Variants in SNX25 observed in about 807,000 individuals in gnomAD.
The protein encoded by SNX25 is sorting nexin-25.
SNX25 carries 62 observed loss-of-function variants against 113.7 expected under a neutral mutation model. The observed-to-expected ratio is 0.55, with a 90% confidence interval of 0.44 to 0.67. The LOEUF is 0.67. SNX25 is among the 30% of genes least tolerant of loss of function. SNX25 has a pLI of 0.00. For missense variants in SNX25, 1,014 were observed against 1,161.0 expected (o/e 0.87, Z 1.84); for synonymous variants, 421 against 436.2 (o/e 0.97, Z 0.43).
At chr4:185,341,227 G>A (rs997073081) in intron 11 of SNX25, among the ~76,000 whole-genome samples, 6 of 142,188 alleles carry the variant, frequency 4.2e-5, no homozygotes, top group South Asian at 4.6e-4. Context: ...ACGTGTGCAC[G>A]CATGCACACA....
At chr4:185,367,196 A>G (rs2095390972), downstream of SNX25, 1 of 1,612,934 alleles carries the variant, frequency 6.2e-7, no homozygotes, top group Non-Finnish European at 8.5e-7. Context: ...TCTTTGACGA[A>G]TAAGTAAGGA....
At chr4:185,220,628 C>A (rs774987401) in intron 1 of SNX25, among the ~76,000 whole-genome samples, 1 of 151,874 alleles carries the variant, frequency 6.6e-6, no homozygotes, top group Non-Finnish European at 1.5e-5. Context: ...ATAAGGGTGC[C>A]CACCACCACG....
chr4:185,231,817 G>A (rs1372324566), intron 1 of SNX25, among the ~76,000 whole-genome samples: 2 of 152,092 alleles, frequency 1.3e-5, no homozygotes, highest in Non-Finnish European at 2.9e-5. Context: ...ATCTGGGCTG[G>A]AGTAAATAAC....
In SNX25 at chr4:185,210,392, G is replaced by A; in HGVS notation, c.429+137G>A. The A allele has an allele frequency of 2.4e-6, 2 of 849,896 alleles. No homozygotes were observed. The highest frequency in any genetic ancestry group is 2.8e-6 in the Non-Finnish European group (2 of 706,900). The allele number at this position is 849,896 out of a possible 1,614,324, so 52.6% of individuals were successfully genotyped here. On this transcript the variant is annotated intron_variant, in intron 1 of 18. Coordinates refer to ENST00000652585, the MANE Select transcript of SNX25 (RefSeq NM_001378034.2). This position sits in a 1 kb window ranked among gnomAD's most constrained non-coding sequence, Gnocchi z 4.4. ...GCCGGGAGCCAGGGGGCTGGGCTGC[G>A]GGCCCGGCCGTGGACGCGAGCGTTC...
At chr4:185,328,802 C>T (rs752355658) in intron 9 of SNX25, among the ~76,000 whole-genome samples, 3 of 151,960 alleles carry the variant, frequency 2.0e-5, no homozygotes, top group South Asian at 2.1e-4. Flanking sequence ...GGGAGAATGG[C>T]GGATTGACTG....
At chr4:185,242,665 G>A (rs1294949470) in intron 1 of SNX25, among the ~76,000 whole-genome samples, 4 of 152,144 alleles carry the variant, frequency 2.6e-5, no homozygotes, top group African/African-American at 9.7e-5. Context: ...GAAGCTCACT[G>A]AGCCCTGTCC....
rs1393054326 is a variant in SNX25, at chr4:185,363,695, A to G, written c.*230A>G. On this transcript the variant is annotated 3_prime_UTR_variant, in exon 19 of 19. Transcript: ENST00000652585. The surrounding 1 kb of genome is among the most constrained non-coding windows in gnomAD (Gnocchi z 4.2). Reference sequence around the variant, plus strand: ...TTTAATATGAATACTTTAAAGATCAACATACCGATTGAAATACAAATGTTA... The same window carrying G: ...TTTAATATGAATACTTTAAAGATCAGCATACCGATTGAAATACAAATGTTA... The G allele has an allele frequency of 5.2e-6, 2 of 384,374 alleles. No individual in the cohort carries two copies. The highest frequency in any genetic ancestry group is 4.0e-5 in the Admixed American group (1 of 25,168). 23.8% of individuals were successfully genotyped at this position (384,374 alleles called of 1,614,324 possible).
At chr4:185,204,273 C>G (rs945730876) in exon 1 of SNX25, 3 of 152,208 alleles carry the variant, frequency 2.0e-5, no homozygotes, top group East Asian at 1.9e-4. Context: ...GGGTAGGCCC[C>G]GTTGTTCTCG....
intron 1 of SNX25, among the ~76,000 whole-genome samples, chr4:185,224,522 T>G (rs796747930): frequency 3.9e-5 from 4 of 103,434 alleles, no homozygotes; most frequent in African/African-American, 7.4e-5. Flanking sequence ...TATATAAATA[T>G]ATATACATAT....
chr4:185,231,601 C>T (rs1741880353), intron 1 of SNX25, among the ~76,000 whole-genome samples: 1 of 151,568 alleles, frequency 6.6e-6, no homozygotes, highest in African/African-American at 2.4e-5. Context: ...GTCCCAGCTA[C>T]TCGGGAGGCT....
intron 1 of SNX25, among the ~76,000 whole-genome samples, chr4:185,211,171 T>C (rs1737726673): frequency 6.6e-6 from 1 of 152,206 alleles, no homozygotes; most frequent in African/African-American, 2.4e-5. Flanking sequence ...TTGTATTTGC[T>C]TATCACATGA....
intron 6 of SNX25, chr4:185,295,952 A>G (rs1379273052): frequency 6.6e-6 from 1 of 152,234 alleles, no homozygotes; most frequent in Non-Finnish European, 1.5e-5. Context: ...CTGGGTATTT[A>G]CTATAAAGAA....
intron 2 of SNX25, among the ~76,000 whole-genome samples, chr4:185,249,473 T>C (rs2126492326): frequency 6.6e-6 from 1 of 152,216 alleles, no homozygotes; most frequent in East Asian, 1.9e-4. Context: ...ACTTATAATT[T>C]ATTTATAGTT....
At chr4:185,220,708 C>T (rs1579332863) in intron 1 of SNX25, among the ~76,000 whole-genome samples, 1 of 152,080 alleles carries the variant, frequency 6.6e-6, no homozygotes, top group African/African-American at 2.4e-5. Context: ...TCTCGATCTC[C>T]TGACCTTGTG....
At chr4:185,247,107 C>T (rs1383850945) in intron 1 of SNX25, among the ~76,000 whole-genome samples, 187 bp from the exon 2 acceptor site, 1 of 152,014 alleles carries the variant, frequency 6.6e-6, no homozygotes, top group Non-Finnish European at 1.5e-5. Context: ...AGGGAAAATC[C>T]TTCCTTAATT....
chr4:185,211,481 C>T (rs1737789956), intron 1 of SNX25, among the ~76,000 whole-genome samples: 1 of 152,074 alleles, frequency 6.6e-6, no homozygotes, highest in South Asian at 2.1e-4. Context: ...TTTTTTCTAC[C>T]ATGGCAAGTA....
intron 1 of SNX25, among the ~76,000 whole-genome samples, chr4:185,228,413 C>T (rs944576389): frequency 2.6e-5 from 4 of 152,056 alleles, no homozygotes; most frequent in African/African-American, 7.2e-5. Context: ...GAGAGAACTT[C>T]GTGGAGGTTG....
At chr4:185,284,284 A>G (rs1292935957) in intron 5 of SNX25, among the ~76,000 whole-genome samples, 1 of 152,238 alleles carries the variant, frequency 6.6e-6, no homozygotes, top group Non-Finnish European at 1.5e-5. Context: ...ATGACTGGGC[A>G]CACCATTTTC....
At chr4:185,373,371 A>G (rs1465490089), downstream of SNX25, among the ~76,000 whole-genome samples, 2 of 152,166 alleles carry the variant, frequency 1.3e-5, no homozygotes, top group African/African-American at 4.8e-5. Flanking sequence ...CAGAGTAAGG[A>G]TCAGGAAGAT....
Sources: allele counts gnomAD v4.1 joint callset (sites outside exome capture counted in the v4.1 genomes callset), GRCh38; gene constraint gnomAD v4.1.1; non-coding constraint Gnocchi (gnomAD v3.1); transcripts MANE v1.5; gene names NCBI Gene and HGNC (gene_info 2026-07-23, HGNC 2026-07-21).